ANKFN1: variants seen among roughly 807,000 people sequenced by gnomAD.
The protein encoded by ANKFN1 is ankyrin repeat and fibronectin type III domain containing 1, also known as ankyrin repeat and fibronectin type-III domain-containing protein 1.
Under a neutral mutation model 108.7 loss-of-function variants are expected in ANKFN1, and 74 were observed. The observed-to-expected ratio is 0.68, with a 90% CI of 0.56 to 0.83. ANKFN1 has a LOEUF of 0.83. ANKFN1 is among the 40% of genes least tolerant of loss of function. ANKFN1 has a pLI of 0.00. For missense variants in ANKFN1, 1,505 were observed against 1,382.3 expected (o/e 1.09, Z -1.41); for synonymous variants, 547 against 516.2 (o/e 1.06, Z -0.81).
At chr17:56,213,660 C>T (rs1366076821) in intron 2 of ANKFN1, among the ~76,000 whole-genome samples, 2 of 152,178 alleles carry the variant, frequency 1.3e-5, no homozygotes, top group Non-Finnish European at 2.9e-5. Context: ...TAGAGTAACA[C>T]ATTTCAACTT....
chr17:56,219,888 C>T (rs1234901326), intron 2 of ANKFN1, among the ~76,000 whole-genome samples: 1 of 152,180 alleles, frequency 6.6e-6, no homozygotes, highest in Non-Finnish European at 1.5e-5. Context: ...TTAGGAGGCC[C>T]TTGGCTTTTT....
At chr17:56,453,927 C>G (rs2049586092) in intron 11 of ANKFN1, among the ~76,000 whole-genome samples, 1 of 151,224 alleles carries the variant, frequency 6.6e-6, no homozygotes, top group Non-Finnish European at 1.5e-5. Flanking sequence ...TTTAAGTTTT[C>G]TTTTGACTCC....
At chr17:56,077,405 C>T (rs1364813268) in intron 4 of ANKFN1, among the ~76,000 whole-genome samples, 5 of 152,184 alleles carry the variant, frequency 3.3e-5, no homozygotes, top group African/African-American at 1.2e-4. Context: ...AATTCAGCTG[C>T]AACCTATGGA....
intron 8 of ANKFN1, among the ~76,000 whole-genome samples, chr17:56,410,289 G>T (rs1353474003): frequency 6.6e-6 from 1 of 152,022 alleles, no homozygotes; most frequent in Non-Finnish European, 1.5e-5. Context: ...TGTTGGCCAG[G>T]TTTCACCATA....
chr17:56,222,376 G>A (rs183906503), intron 2 of ANKFN1, among the ~76,000 whole-genome samples: 2 of 152,182 alleles, frequency 1.3e-5, no homozygotes, highest in African/African-American at 4.8e-5. Flanking sequence ...TTATTTCACT[G>A]TAATGGGTCA....
chr17:56,482,730 C>A, intron 18 of ANKFN1: 1 of 468,516 alleles, frequency 2.1e-6, no homozygotes, highest in Non-Finnish European at 3.5e-6. Context: ...TGAAACCTAG[C>A]AAAGGCCCAA....
chr17:56,170,254 A>G, intron 1 of ANKFN1, among the ~76,000 whole-genome samples: 1 of 152,178 alleles, frequency 6.6e-6, no homozygotes, highest in East Asian at 1.9e-4. Flanking sequence ...AGGAAGAAGG[A>G]AGGCTCCCTG....
At chr17:56,491,506 G>A (rs16957319) in intron 18 of ANKFN1, among the ~76,000 whole-genome samples, 19,831 of 152,156 alleles carry the variant, frequency 0.13, 1,756 homozygotes, top group African/African-American at 0.25. Flanking sequence ...TGATGGAGAC[G>A]AAGGCTGGAC....
intron 8 of ANKFN1, among the ~76,000 whole-genome samples, chr17:56,411,140 T>TTAA (rs1374154219): frequency 6.6e-6 from 1 of 152,200 alleles, no homozygotes; most frequent in East Asian, 1.9e-4. Context: ...GAACATGGGA[T>TTAA]GTCTTTCCAC....
intron 11 of ANKFN1, among the ~76,000 whole-genome samples, 196 bp from the exon 12 acceptor site, chr17:56,456,665 G>A (rs2049714651): frequency 6.6e-6 from 1 of 151,800 alleles, no homozygotes; most frequent in African/African-American, 2.4e-5. Context: ...CAAAGTACTG[G>A]GATTACCAGC....
chr17:56,137,839 A>T (rs2143378211), intron 4 of ANKFN1, among the ~76,000 whole-genome samples: 1 of 152,280 alleles, frequency 6.6e-6, no homozygotes, highest in East Asian at 1.9e-4. Flanking sequence ...AGGATGGGAG[A>T]CTTTAACTCT....
At chr17:56,245,888 A>C (rs1917921347) in intron 3 of ANKFN1, 1 of 152,144 alleles carries the variant, frequency 6.6e-6, no homozygotes, top group Non-Finnish European at 1.5e-5. Context: ...GAGCTTTGTT[A>C]CAATGTATTA....
chr17:56,159,033 CAAAAA>C (rs57878541), intron 1 of ANKFN1, among the ~76,000 whole-genome samples: 3 of 71,016 alleles, frequency 4.2e-5, no homozygotes, highest in Admixed American at 2.0e-4. Flanking sequence ...TGGTCTAGGC[CAAAAA>C]AAAAAAAAAA....
rs1354509875 is a variant in ANKFN1 at position 56,513,601 on chromosome 17, A to G, written c.*2332A>G. ...TTTGTGACTGAATCAGGTGGGAGGC[A>G]TTCAACAAACAGGAGAGGCAGAAAC... On this transcript the variant is annotated 3_prime_UTR_variant, in exon 21 of 21. Coordinates refer to ENST00000682825, the MANE Select transcript of ANKFN1 (RefSeq NM_001370326.1). 6.6e-6 allele frequency among the ~76,000 whole-genome samples: 1 copy of G among 152,196 alleles called. No homozygotes were observed. The highest frequency in any genetic ancestry group is 1.9e-4 in the East Asian group (1 of 5,198).
intron 19 of ANKFN1, among the ~76,000 whole-genome samples, chr17:56,492,849 G>GA (rs1408101690): frequency 6.6e-6 from 1 of 152,142 alleles, no homozygotes; most frequent in East Asian, 1.9e-4. Flanking sequence ...GTTAAGATCA[G>GA]AAAATGTGTT....
chr17:56,074,330 C>G (rs4395135), intron 4 of ANKFN1, among the ~76,000 whole-genome samples: 84,556 of 152,026 alleles, frequency 0.56, 24,972 homozygotes, highest in Non-Finnish European at 0.68. Flanking sequence ...TTAATGGTTC[C>G]TGTTGAATGA....
intron 1 of ANKFN1, among the ~76,000 whole-genome samples, chr17:56,171,324 G>A (rs942011056): frequency 1.5e-4 from 23 of 152,240 alleles, no homozygotes; most frequent in African/African-American, 5.5e-4. Context: ...ACAATGTACA[G>A]ACGGGAATCC....
chr17:56,264,255 T>C (rs1056448965), intron 3 of ANKFN1, among the ~76,000 whole-genome samples: 2 of 152,330 alleles, frequency 1.3e-5, no homozygotes, highest in South Asian at 4.1e-4. Context: ...AACTTACTCA[T>C]ATGCTGGAGC....
intron 4 of ANKFN1, among the ~76,000 whole-genome samples, chr17:56,349,646 G>C (rs2046196648): frequency 6.6e-6 from 1 of 152,064 alleles, no homozygotes; most frequent in Admixed American, 6.6e-5. Flanking sequence ...AGTCTTCCTA[G>C]ATACTAGGCT....
Sources: allele counts gnomAD v4.1 joint callset (sites outside exome capture counted in the v4.1 genomes callset), GRCh38; gene constraint gnomAD v4.1.1; transcripts MANE v1.5; gene names NCBI Gene and HGNC (gene_info 2026-07-23, HGNC 2026-07-21).